Variants in FGGY observed in about 807,000 individuals in gnomAD.
FGGY encodes the protein FGGY carbohydrate kinase domain containing.
In FGGY, 72 loss-of-function variants were observed where a neutral mutation model predicts 71.3. The observed-to-expected ratio is 1.01, with a 90% CI of 0.84 to 1.23. FGGY has a LOEUF of 1.23. Ranked by LOEUF, FGGY falls within the 50% of genes most tolerant of loss-of-function variation. FGGY has a pLI of 0.00. For missense variants in FGGY, 668 were observed against 682.3 expected (o/e 0.98, Z 0.23); for synonymous variants, 251 against 250.3 (o/e 1.00, Z -0.02).
chr1:59,596,457 T>TC (rs1186808771), intron 8 of FGGY, among the ~76,000 whole-genome samples: 3 of 149,856 alleles, frequency 2.0e-5, no homozygotes, highest in Non-Finnish European at 3.0e-5. Context: ...CTTTTTTTTT[T>TC]CTCCAAAAAA....
At chr1:59,496,799 G>C (rs2094049793) in intron 6 of FGGY, among the ~76,000 whole-genome samples, 2 of 152,124 alleles carry the variant, frequency 1.3e-5, no homozygotes, top group Admixed American at 1.3e-4. Flanking sequence ...TATTTCCTTA[G>C]AGATTCTCAG....
At chr1:59,732,377 AT>A (rs979166258) in intron 14 of FGGY, among the ~76,000 whole-genome samples, 8 of 152,120 alleles carry the variant, frequency 5.3e-5, no homozygotes, top group African/African-American at 1.9e-4. Context: ...ATTTTAACTA[AT>A]TAGAGGCATT....
At position 59,487,913 on chromosome 1, in the gene FGGY, T is replaced by G. The variant is rs374603913; in HGVS notation, c.671-24398T>G. The stretch of plus-strand genomic sequence containing the variant: ...ATTTTTTCTTTTATCTTCAAAAGCA[T>G]CTAAAAGTAAAAACAACTAAAGAAA... On this transcript the variant is annotated intron_variant, in intron 6 of 15. Transcript: ENST00000303721. 2.0e-4 allele frequency among the ~76,000 whole-genome samples: 30 copies of G among 151,884 alleles called. No homozygotes were observed. The East Asian group carries it at 5.4e-3, about 28-fold the overall frequency.
At chr1:59,614,424 A>G (rs892957580) in intron 9 of FGGY, among the ~76,000 whole-genome samples, 1 of 152,210 alleles carries the variant, frequency 6.6e-6, no homozygotes, top group Non-Finnish European at 1.5e-5. Context: ...TAGATGCAGA[A>G]AAGGCCTTTG....
At chr1:59,457,387 A>T (rs555581224) in intron 6 of FGGY, among the ~76,000 whole-genome samples, 20 of 152,328 alleles carry the variant, frequency 1.3e-4, no homozygotes, top group Admixed American at 1.2e-3. Context: ...AGGCAGGCAG[A>T]TTGCTTGAGC....
chr1:59,369,690 C>A (rs567830862), intron 4 of FGGY, among the ~76,000 whole-genome samples: 1 of 152,132 alleles, frequency 6.6e-6, no homozygotes, highest in Non-Finnish European at 1.5e-5. Flanking sequence ...ACACCTCACA[C>A]GGCCGGATAC....
At chr1:59,461,632 G>T (rs1168067247) in intron 6 of FGGY, among the ~76,000 whole-genome samples, 1 of 152,048 alleles carries the variant, frequency 6.6e-6, no homozygotes, top group South Asian at 2.1e-4. Flanking sequence ...CACCAAGGTT[G>T]AAATGAAGGA....
In FGGY at chr1:59,538,054, A is replaced by G. The variant is rs574491378; in HGVS notation, c.800-16070A>G. 6.6e-3 allele frequency among the ~76,000 whole-genome samples: 1,003 copies of G among 152,324 alleles called. 10 individuals carry two copies. Among genetic ancestry groups the G allele is most frequent in the African/African-American group, 0.022 (926 of 41,574 alleles). ...GCAAAAGAAACTACCATCAGACTGA[A>G]CAGGCAACCTACAAAATGGGAGAAA... is the stretch of plus-strand genomic sequence containing the variant. On this transcript the variant is annotated intron_variant, in intron 7 of 15. Coordinates refer to ENST00000303721, the MANE Select transcript of FGGY (RefSeq NM_018291.5).
intron 5 of FGGY, among the ~76,000 whole-genome samples, chr1:59,427,523 G>A (rs1320618682): frequency 1.3e-5 from 2 of 152,172 alleles, no homozygotes; most frequent in African/African-American, 4.8e-5. Flanking sequence ...CTGGACTCGG[G>A]GAATTTCTTT....
At position 59,762,627 on chromosome 1, in the gene FGGY, G is replaced by T. The variant is rs1180107814; in HGVS notation, c.*43G>T. ...TGATGCCAGAAGCTTCTGTGCCATT[G>T]CATTAAAGACTTGTCATTTGATCCA... On this transcript the variant is annotated 3_prime_UTR_variant, in exon 16 of 16. Coordinates refer to ENST00000303721, the MANE Select transcript of FGGY (RefSeq NM_018291.5). 7.2e-7 allele frequency: 1 copy of T among 1,382,564 alleles called. No homozygotes were observed. The highest frequency in any genetic ancestry group is 9.8e-7 in the Non-Finnish European group (1 of 1,019,096). The allele number at this position is 1,382,564 out of a possible 1,614,324, so 85.6% of individuals were successfully genotyped here. A position where few individuals can be genotyped will look rare whatever the true frequency, so the allele number is the denominator to read the frequency against.
At chr1:59,366,747 AG>A (rs2056663535) in intron 4 of FGGY, among the ~76,000 whole-genome samples, 1 of 152,020 alleles carries the variant, frequency 6.6e-6, no homozygotes, top group Non-Finnish European at 1.5e-5. Context: ...TGTCATTTCA[AG>A]GTAGATTTAG....
In FGGY at chr1:59,321,596, A is replaced by C; in HGVS notation, c.47A>C (p.Asp16Ala). 4 of 1,613,970 alleles carry C rather than the reference A, an allele frequency of 2.5e-6. No individual in the cohort carries two copies. The highest frequency in any genetic ancestry group is 3.4e-6 in the Non-Finnish European group (4 of 1,179,878). The stretch of plus-strand genomic sequence containing the variant: ...CCAGAGAGGTACTATGTGGGTGTGG[A>C]CGTTGGAACAGGCAGTGTCCGTGCA... ...QKPERYYVGV[D>A]VGTGSVRAAL... Residue 16 changes from aspartate (D) to alanine (A), a missense_variant, in exon 2 of 16, where the codon GAC becomes GCC. Around this residue, in one of 2 missense-constraint regions of FGGY, gnomAD observed 7 missense variants for 20.7 expected, o/e 0.34. Coordinates refer to ENST00000303721, the MANE Select transcript of FGGY (RefSeq NM_018291.5).
rs138871186 is a variant in FGGY at position 59,431,704 on chromosome 1, C to T, written c.555-25257C>T. ...ATGGAGAATAGATGAAGAAGGAACA[C>T]ACCTTCTCCCTTTTGGTGCTGTGAC... On this transcript the variant is annotated intron_variant, in intron 5 of 15. Transcript: ENST00000303721. Among the ~76,000 whole-genome samples the T allele has an allele frequency of 6.7e-4, 102 of 152,290 alleles. 1 individual carries two copies. Among genetic ancestry groups the T allele is most frequent in the African/African-American group, 2.4e-3 (100 of 41,566 alleles).
chr1:59,572,595 CAGA>C (rs970480005), intron 8 of FGGY, among the ~76,000 whole-genome samples: 4 of 152,072 alleles, frequency 2.6e-5, no homozygotes, highest in African/African-American at 7.2e-5. Flanking sequence ...ACTAGGAAAC[CAGA>C]AGAAGACTGG....
At chr1:59,752,851 A>G (rs2098257360) in intron 14 of FGGY, among the ~76,000 whole-genome samples, 3 of 152,178 alleles carry the variant, frequency 2.0e-5, no homozygotes. Context: ...TGGCCGTGGT[A>G]CAGGGCCCCT....
chr1:59,347,633 G>A (rs1373704731), intron 4 of FGGY, among the ~76,000 whole-genome samples: 1 of 152,096 alleles, frequency 6.6e-6, no homozygotes, highest in Non-Finnish European at 1.5e-5. Flanking sequence ...ACAGAACAGA[G>A]CCCTCAGAAA....
chr1:59,673,919 T>G, intron 13 of FGGY, 120 bp from the exon 14 acceptor site: 1 of 714,838 alleles, frequency 1.4e-6, no homozygotes, highest in Non-Finnish European at 2.5e-6. Flanking sequence ...CTGCAGGGAG[T>G]CGGGCGGGGG....
intron 11 of FGGY, among the ~76,000 whole-genome samples, chr1:59,641,056 G>A (rs896149618): frequency 2.7e-5 from 4 of 150,732 alleles, no homozygotes; most frequent in Non-Finnish European, 5.9e-5. Flanking sequence ...TGGTCCCAGC[G>A]GTCAGGAAAG....
chr1:59,697,685 C>G, intron 14 of FGGY: 1 of 1,303,732 alleles, frequency 7.7e-7, no homozygotes, highest in Non-Finnish European at 1.0e-6. Context: ...ACGATAGCAG[C>G]AATGGGAAGC....
Sources: allele counts gnomAD v4.1 joint callset (sites outside exome capture counted in the v4.1 genomes callset), GRCh38; gene constraint gnomAD v4.1.1; regional missense constraint gnomAD v4.1.1; transcripts MANE v1.5; gene names NCBI Gene and HGNC (gene_info 2026-07-23, HGNC 2026-07-21).